The following CWC27 variants were observed in gnomAD, a reference collection of about 807,000 sequenced individuals.
CWC27 encodes the protein CWC27 spliceosome associated cyclophilin, also known as spliceosome-associated protein CWC27 homolog.
Under a neutral mutation model 63.6 loss-of-function variants are expected in CWC27, and 47 were observed. The ratio of observed to expected loss-of-function variants is 0.74; its 90% CI spans 0.58 to 0.94. The LOEUF (loss-of-function observed/expected upper bound fraction) is 0.94, where lower values mean the gene tolerates loss of function less well. Ranked by LOEUF, CWC27 falls within the 40% of genes least tolerant of loss-of-function variation. CWC27 has a pLI of 0.00. For missense variants in CWC27, 495 were observed against 554.3 expected (o/e 0.89, Z 1.07); for synonymous variants, 175 against 179.8 (o/e 0.97, Z 0.22).
intron 11 of CWC27, among the ~76,000 whole-genome samples, chr5:64,889,473 A>G (rs776888564): frequency 6.6e-6 from 1 of 152,236 alleles, no homozygotes. Context: ...CAATCAAATG[A>G]CCCAATTTTG....
At chr5:64,817,101 T>C (rs1025215490) in intron 10 of CWC27, among the ~76,000 whole-genome samples, 9 of 152,118 alleles carry the variant, frequency 5.9e-5, no homozygotes, top group Admixed American at 5.2e-4. Flanking sequence ...GCCGTGCTAT[T>C]ACCCACTTTA....
intron 11 of CWC27, among the ~76,000 whole-genome samples, chr5:64,968,273 C>T (rs943294611): frequency 1.3e-5 from 2 of 151,964 alleles, no homozygotes; most frequent in East Asian, 1.9e-4. Flanking sequence ...TCCTATATTG[C>T]GAGTGGAATG....
intron 13 of CWC27, among the ~76,000 whole-genome samples, chr5:65,009,626 T>C (rs1227905730): frequency 6.6e-6 from 1 of 152,126 alleles, no homozygotes; most frequent in African/African-American, 2.4e-5. Context: ...GTGATTAGTG[T>C]CCTCATAAGG....
At chr5:64,946,604 G>A (rs1193826432) in intron 11 of CWC27, among the ~76,000 whole-genome samples, 1 of 152,082 alleles carries the variant, frequency 6.6e-6, no homozygotes, top group African/African-American at 2.4e-5. Context: ...AGCAGATGAA[G>A]GCAGATGAGT....
intron 11 of CWC27, among the ~76,000 whole-genome samples, chr5:64,966,247 A>C (rs1749010044): frequency 6.6e-6 from 1 of 152,180 alleles, no homozygotes; most frequent in South Asian, 2.1e-4. Flanking sequence ...CTTATATGAA[A>C]GAAATGTATT....
intron 11 of CWC27, among the ~76,000 whole-genome samples, chr5:64,927,797 C>G (rs1748148343): frequency 6.6e-6 from 1 of 152,142 alleles, no homozygotes; most frequent in African/African-American, 2.4e-5. Context: ...GTCCACAACT[C>G]CTAATCATTT....
At chr5:64,971,835 A>C (rs773114732) in intron 12 of CWC27, 23 bp downstream of exon 12, 7 of 1,459,066 alleles carry the variant, frequency 4.8e-6, no homozygotes, top group Non-Finnish European at 6.6e-6. Flanking sequence ...ACCCAAATCC[A>C]TACAGAACTT....
At chr5:64,908,371 G>A (rs1239128262) in intron 11 of CWC27, among the ~76,000 whole-genome samples, 2 of 152,174 alleles carry the variant, frequency 1.3e-5, no homozygotes, top group East Asian at 1.9e-4. Context: ...GTTGAATTGG[G>A]CTGAAGAGTT....
intron 3 of CWC27, among the ~76,000 whole-genome samples, chr5:64,783,574 C>G (rs774438962): frequency 6.6e-6 from 1 of 152,120 alleles, no homozygotes. Context: ...AATCCATTCC[C>G]CCTTGGGTAC....
intron 9 of CWC27, among the ~76,000 whole-genome samples, chr5:64,802,171 A>C (rs1744511395): frequency 6.6e-6 from 1 of 152,234 alleles, no homozygotes; most frequent in South Asian, 2.1e-4. Flanking sequence ...AAGCATGGAA[A>C]TAAGGAGAGA....
intron 10 of CWC27, among the ~76,000 whole-genome samples, chr5:64,843,566 A>G (rs1745899927): frequency 6.6e-6 from 1 of 152,156 alleles, no homozygotes; most frequent in Admixed American, 6.5e-5. Context: ...TCCACTTTTT[A>G]TCCTCCACCC....
At chr5:64,867,345 A>G (rs906135138) in intron 10 of CWC27, among the ~76,000 whole-genome samples, 1 of 152,180 alleles carries the variant, frequency 6.6e-6, no homozygotes, top group East Asian at 1.9e-4. Flanking sequence ...TTTACTGTAT[A>G]TTGATATATT....
chr5:64,780,607 A>G (rs1317302001), intron 2 of CWC27, among the ~76,000 whole-genome samples: 4 of 148,202 alleles, frequency 2.7e-5, no homozygotes, highest in Admixed American at 6.8e-5. Context: ...TATATTATAT[A>G]TTATTTATGT....
At chr5:64,848,527 G>T (rs1460391938) in intron 10 of CWC27, among the ~76,000 whole-genome samples, 1 of 152,102 alleles carries the variant, frequency 6.6e-6, no homozygotes, top group Non-Finnish European at 1.5e-5. Context: ...AGACAGTGAT[G>T]TTACCAGAAA....
intron 10 of CWC27, among the ~76,000 whole-genome samples, chr5:64,816,015 G>C (rs1407177954): frequency 1.3e-5 from 2 of 152,154 alleles, no homozygotes; most frequent in East Asian, 1.9e-4. Context: ...AAGAAAGCAA[G>C]TTGTCAGGAA....
chr5:64,830,474 C>A (rs924382437), intron 10 of CWC27, among the ~76,000 whole-genome samples: 4 of 151,904 alleles, frequency 2.6e-5, no homozygotes, highest in African/African-American at 9.7e-5. Flanking sequence ...CCATAAAAAC[C>A]CTAGAAGAAA....
chr5:64,940,090 C>A (rs2112413310), intron 11 of CWC27, among the ~76,000 whole-genome samples: 1 of 152,300 alleles, frequency 6.6e-6, no homozygotes, highest in South Asian at 2.1e-4. Context: ...GACCACTTAT[C>A]TCCCTGACTT....
intron 11 of CWC27, among the ~76,000 whole-genome samples, chr5:64,901,993 T>C (rs1217640150): frequency 6.6e-6 from 1 of 152,158 alleles, no homozygotes. Context: ...CAATAACATG[T>C]ATGAAGCTGT....
intron 11 of CWC27, among the ~76,000 whole-genome samples, chr5:64,965,840 T>G (rs948061493): frequency 1.3e-5 from 2 of 152,174 alleles, no homozygotes; most frequent in Admixed American, 6.5e-5. Context: ...TACCACTAAT[T>G]GCCTTATACA....
Sources: gnomAD v4.1 joint callset for allele counts (sites outside exome capture counted in the v4.1 genomes callset) on GRCh38, gnomAD v4.1.1 for gene constraint, MANE v1.5 for transcripts, NCBI Gene and HGNC (gene_info 2026-07-23, HGNC 2026-07-21) for gene names.